The following EPC1 variants were observed in gnomAD, a reference collection of about 807,000 sequenced individuals.
EPC1 encodes the protein enhancer of polycomb 1.
EPC1 carries 12 observed loss-of-function variants against 98.4 expected under a neutral mutation model. The ratio of observed to expected loss-of-function variants is 0.12; its 90% confidence interval spans 0.08 to 0.20. The LOEUF is 0.20. Among genes scored for constraint, EPC1 ranks in the 10% least tolerant of loss-of-function variants. The pLI is 1.00. For synonymous variants in EPC1, 357 were observed against 363.9 expected (o/e 0.98, Z 0.21); for missense variants, 729 against 990.5 (o/e 0.74, Z 3.54).
chr10:32,320,152 C>A (rs146612606), intron 1 of EPC1, among the ~76,000 whole-genome samples: 13 of 150,768 alleles, frequency 8.6e-5, no homozygotes, highest in Middle Eastern at 3.5e-3. Flanking sequence ...CCCCTTCTTG[C>A]AACTTTTCTG....
At chr10:32,364,078 G>A (rs1839527193) in intron 1 of EPC1, among the ~76,000 whole-genome samples, 1 of 126,242 alleles carries the variant, frequency 7.9e-6, no homozygotes, top group South Asian at 2.6e-4. Flanking sequence ...GCAATGGCGT[G>A]ATCTCGGCTC....
At chr10:32,335,832 CTAA>C (rs1387255677) in intron 1 of EPC1, among the ~76,000 whole-genome samples, 1 of 152,196 alleles carries the variant, frequency 6.6e-6, no homozygotes, top group African/African-American at 2.4e-5. Context: ...TTTGCGTTCA[CTAA>C]TAATTGTGCC....
At chr10:32,344,581 T>C (rs1370574320) in intron 1 of EPC1, among the ~76,000 whole-genome samples, 1 of 147,192 alleles carries the variant, frequency 6.8e-6, no homozygotes, top group Non-Finnish European at 1.5e-5. Flanking sequence ...AGGTCAGGAG[T>C]TCAAAACCAG....
chr10:32,295,013 T>C (rs958496497), intron 2 of EPC1, among the ~76,000 whole-genome samples: 6 of 152,168 alleles, frequency 3.9e-5, no homozygotes, highest in African/African-American at 1.4e-4. Context: ...GTATCACTCA[T>C]CTAGAATCCT....
At chr10:32,279,794 T>C (rs1195288495) in intron 10 of EPC1, among the ~76,000 whole-genome samples, 1 of 152,182 alleles carries the variant, frequency 6.6e-6, no homozygotes, top group Admixed American at 6.5e-5. Context: ...CAAGGTGCTT[T>C]TGTGAGTATT....
At chr10:32,301,795 CTT>C (rs1835561061) in intron 2 of EPC1, among the ~76,000 whole-genome samples, 1 of 152,122 alleles carries the variant, frequency 6.6e-6, no homozygotes, top group African/African-American at 2.4e-5. Context: ...GGACCACAGA[CTT>C]AAATGTAAAA....
intron 1 of EPC1, among the ~76,000 whole-genome samples, chr10:32,344,186 T>C (rs562938073): frequency 6.5e-4 from 99 of 152,364 alleles, no homozygotes; most frequent in African/African-American, 2.3e-3. Flanking sequence ...ATGTTTAATA[T>C]ACCTTTTCAA....
intron 1 of EPC1, chr10:32,345,353 C>T (rs1395327432): frequency 1.0e-6 from 1 of 985,310 alleles, no homozygotes; most frequent in Admixed American, 6.2e-5. Flanking sequence ...AGCTATTTCA[C>T]TTTAAAAGGT....
In EPC1 at chr10:32,292,653, G is replaced by A. The variant is rs1171266863; in HGVS notation, c.667-9C>T. 1 of 1,602,150 alleles carries A rather than the reference G, an allele frequency of 6.2e-7. No individual in the cohort carries two copies. The highest frequency in any genetic ancestry group is 1.1e-5 in the South Asian group (1 of 88,044). ...TCATCATTTTTGCGATTCTGCAAAT[G>A]TGAAGTTGCTTGTTTAATGTTAGTA... is the stretch of plus-strand genomic sequence containing the variant. On this transcript the variant is annotated splice_polypyrimidine_tract_variant and intron_variant, in intron 4 of 13. Transcript: ENST00000319778.
chr10:32,308,765 A>G (rs975773461), intron 1 of EPC1, among the ~76,000 whole-genome samples: 2 of 152,238 alleles, frequency 1.3e-5, no homozygotes, highest in East Asian at 3.8e-4. Flanking sequence ...CATACGATTC[A>G]GCAATCTCAC....
At chr10:32,362,483 G>T in intron 1 of EPC1, among the ~76,000 whole-genome samples, 1 of 152,112 alleles carries the variant, frequency 6.6e-6, no homozygotes, top group Non-Finnish European at 1.5e-5. Flanking sequence ...TCTTGCTCCT[G>T]CTCTGGCAAT....
intron 1 of EPC1, among the ~76,000 whole-genome samples, chr10:32,326,597 A>G (rs1361278599): frequency 6.6e-6 from 1 of 152,216 alleles, no homozygotes; most frequent in Non-Finnish European, 1.5e-5. Flanking sequence ...AAACTAAAAT[A>G]TATGCCACTG....
chr10:32,274,628 T>G (rs899207164), intron 10 of EPC1, among the ~76,000 whole-genome samples: 1 of 152,156 alleles, frequency 6.6e-6, no homozygotes, highest in East Asian at 1.9e-4. Flanking sequence ...TTTCTTATTT[T>G]CTGTGTGTGT....
intron 1 of EPC1, among the ~76,000 whole-genome samples, chr10:32,328,805 GC>G (rs1347202477): frequency 3.9e-5 from 6 of 152,194 alleles, no homozygotes; most frequent in African/African-American, 1.4e-4. Flanking sequence ...ACATGGAAGT[GC>G]TTATTGGGGT....
intron 10 of EPC1, among the ~76,000 whole-genome samples, chr10:32,278,297 C>G (rs1272291077): frequency 1.3e-5 from 2 of 151,982 alleles, no homozygotes; most frequent in Non-Finnish European, 2.9e-5. Flanking sequence ...CTGCCTTGGC[C>G]TCCCAAAGTG....
At chr10:32,327,545 T>C (rs530975135) in intron 1 of EPC1, among the ~76,000 whole-genome samples, 1 of 152,314 alleles carries the variant, frequency 6.6e-6, no homozygotes, top group Admixed American at 6.5e-5. Context: ...TACACATGTA[T>C]AGAACATTAC....
chr10:32,369,397 CT>C (rs35350426), intron 1 of EPC1, among the ~76,000 whole-genome samples: 1 of 152,004 alleles, frequency 6.6e-6, no homozygotes, highest in African/African-American at 2.4e-5. Context: ...TTCAGAATAC[CT>C]TTTTTTAAAA....
At chr10:32,340,457 G>C (rs1368207753) in intron 1 of EPC1, among the ~76,000 whole-genome samples, 1 of 152,088 alleles carries the variant, frequency 6.6e-6, no homozygotes, top group African/African-American at 2.4e-5. Context: ...ATTATTACAG[G>C]ATTTAATACA....
At chr10:32,273,000 G>A in intron 11 of EPC1, 163 bp downstream of exon 11, 1 of 1,609,576 alleles carries the variant, frequency 6.2e-7, no homozygotes, top group Non-Finnish European at 8.5e-7. Flanking sequence ...AGAGGCAACA[G>A]CTTCCATACT....
Sources: gnomAD v4.1 joint callset for allele counts (sites outside exome capture counted in the v4.1 genomes callset) on GRCh38, gnomAD v4.1.1 for gene constraint, MANE v1.5 for transcripts, NCBI Gene and HGNC (gene_info 2026-07-23, HGNC 2026-07-21) for gene names.